TARBP1: variants seen among roughly 807,000 people sequenced by gnomAD.
TARBP1 encodes tRNA guanosine 2 -O-methyltransferase TARBP1, also known as tRNA (guanosine(18)-2'-O)-methyltransferase TARBP1.
In TARBP1, 144 loss-of-function variants were observed where a neutral mutation model predicts 178.6. That is an observed-to-expected ratio of 0.81 (90% confidence interval 0.70 to 0.93). The LOEUF (loss-of-function observed/expected upper bound fraction) is 0.93. TARBP1 is among the 40% of genes least tolerant of loss of function. The pLI is 0.00. For synonymous variants in TARBP1, 787 were observed against 781.0 expected, an observed-to-expected ratio of 1.01 and a Z score of -0.13; for missense variants, 2,067 against 2,011.7, an observed-to-expected ratio of 1.03 and a Z score of -0.53.
In TARBP1 at chr1:234,479,154, GT is replaced by G; in HGVS notation, c.-52del. ...CGGGCTCCCAAAGGAAGGCGCCGGC[GT>G]GTGCGATGCGTGCGCACAGGACCGG... On this transcript the variant is annotated 5_prime_UTR_variant, in exon 1 of 30. Transcript: ENST00000040877. The G allele has an allele frequency of 6.9e-7, 1 of 1,452,394 alleles. No individual in the cohort carries two copies. Among genetic ancestry groups the G allele is most frequent in the Non-Finnish European group, 9.0e-7 (1 of 1,113,694 alleles). 90.0% of individuals were successfully genotyped at this position (1,452,394 alleles called of 1,614,324 possible). A position where few individuals can be genotyped will look rare whatever the true frequency, so the allele number is the denominator to read the frequency against.
At chr1:234,403,353 A>G (rs571676779) in intron 24 of TARBP1, among the ~76,000 whole-genome samples, 1 of 152,282 alleles carries the variant, frequency 6.6e-6, no homozygotes, top group South Asian at 2.1e-4. Flanking sequence ...CATGCTTTAG[A>G]TTTTAATGTA....
At chr1:234,410,584 T>G in intron 22 of TARBP1, 53 bp from the exon 23 acceptor site, 1 of 1,214,756 alleles carries the variant, frequency 8.2e-7, no homozygotes, top group Non-Finnish European at 1.2e-6. Flanking sequence ...CTGTGAAACA[T>G]GCACGTGAAA....
Position 234,448,568 on chromosome 1 carries a change from A to G in TARBP1, c.1873T>C (p.Cys625Arg), listed in dbSNP as rs1312547065. The G allele has an allele frequency of 6.2e-7, 1 of 1,613,930 alleles. No homozygotes were observed. The highest frequency in any genetic ancestry group is 8.5e-7 in the Non-Finnish European group (1 of 1,179,894). The change falls in exon 11 of 30, where the codon TGC becomes CGC. Residue 625 changes from cysteine (C) to arginine (R), a missense_variant. Cys to Arg is a radical substitution (Grantham distance 180, BLOSUM62 -3). Transcript: ENST00000040877. ...KSSAWETGENCFMPDWFEAKL... is the reference protein window; with the variant it reads ...KSSAWETGENRFMPDWFEAKL... ...GCTTCAAACCAATCAGGCATAAAGCAGTTTTCTCCTGCTTAAATAACAACA... is the reference window on the plus strand; with the variant it reads ...GCTTCAAACCAATCAGGCATAAAGCGGTTTTCTCCTGCTTAAATAACAACA...
chr1:234,464,808 G>A (rs571518711), intron 5 of TARBP1, among the ~76,000 whole-genome samples: 21 of 152,258 alleles, frequency 1.4e-4, no homozygotes, highest in African/African-American at 4.6e-4. Context: ...ACAATTTCAA[G>A]AGCAAGGGAA....
At chr1:234,421,232 G>C (rs1307526159) in intron 20 of TARBP1, among the ~76,000 whole-genome samples, 1 of 152,082 alleles carries the variant, frequency 6.6e-6, no homozygotes. Flanking sequence ...GGGACTACAG[G>C]CGCCCGCCAC....
chr1:234,457,751 T>A lies in TARBP1; in HGVS notation c.1638A>T (p.Lys546Asn), dbSNP rs139757326. ...AAGTTGAGACATCAGAAAGTGACAC[T>A]TTCTCCTGGGCAGGGCAGGAAAGGT... ...QTAMNLLDVE[K>N]VSLSDVSTFL... The change falls in exon 9 of 30, where the codon AAA becomes AAT. Residue 546 changes from lysine to asparagine, a missense_variant. Lys to Asn is a moderately conservative substitution (Grantham distance 94). Coordinates refer to ENST00000040877, the MANE Select transcript of TARBP1 (RefSeq NM_005646.4). The A allele has an allele frequency of 1.2e-6, 2 of 1,608,018 alleles. No homozygotes were observed. Among genetic ancestry groups the A allele is most frequent in the Non-Finnish European group, 1.7e-6 (2 of 1,176,322 alleles).
intron 13 of TARBP1, 80 bp from the exon 14 acceptor site, chr1:234,433,651 A>G: frequency 1.4e-6 from 2 of 1,390,340 alleles, no homozygotes; most frequent in Non-Finnish European, 2.0e-6. Context: ...AGGCAGGAGA[A>G]GTTTACTTAA....
chr1:234,430,434 A>G, intron 14 of TARBP1, 133 bp from the exon 15 acceptor site: 2 of 727,514 alleles, frequency 2.7e-6, no homozygotes, highest in Non-Finnish European at 4.5e-6. Flanking sequence ...ATCAGGAGAA[A>G]TAAAAGGAAA....
chr1:234,474,842 A>G (rs1669434291), intron 1 of TARBP1, among the ~76,000 whole-genome samples: 1 of 152,222 alleles, frequency 6.6e-6, no homozygotes, highest in Admixed American at 6.5e-5. Context: ...TACAAAGAGG[A>G]AAGGCTGAAA....
rs987599225 is a variant in TARBP1 at position 234,408,872 on chromosome 1, C to T, written c.3792+1573G>A. On this transcript the variant is annotated intron_variant, in intron 23 of 29. Transcript: ENST00000040877. ...GTGTACTCTTCCTCTATTGCAATTC[C>T]TGTCTTGATAAATCGGCTCTGTGTA... Among the ~76,000 whole-genome samples the T allele has an allele frequency of 3.3e-5, 5 of 152,318 alleles. No individual in the cohort carries two copies. The South Asian group carries it at 1.0e-3, about 32-fold the overall frequency.
intron 2 of TARBP1, among the ~76,000 whole-genome samples, chr1:234,471,942 T>A (rs994256125): frequency 4.6e-5 from 7 of 152,356 alleles, no homozygotes; most frequent in Non-Finnish European, 1.0e-4. Context: ...CACAGATGGC[T>A]GGCACCTCTG....
intron 24 of TARBP1, among the ~76,000 whole-genome samples, chr1:234,402,261 C>T (rs575531514): frequency 3.9e-4 from 60 of 152,304 alleles, no homozygotes; most frequent in Non-Finnish European, 7.8e-4. Context: ...CATTCGATGC[C>T]TTTCTGCACT....
At chr1:234,448,730 A>G in intron 10 of TARBP1, 151 bp from the exon 11 acceptor site, 1 of 635,874 alleles carries the variant, frequency 1.6e-6, no homozygotes, top group South Asian at 2.0e-5. Context: ...ACCCTAGAGC[A>G]TGGCTCATTA....
chr1:234,467,446 T>C (rs1668562434), intron 4 of TARBP1, 56 bp downstream of exon 4: 2 of 1,444,248 alleles, frequency 1.4e-6, no homozygotes, highest in African/African-American at 2.9e-5. Context: ...TCCTAGTGTA[T>C]TTTTACCTCT....
Position 234,393,506 on chromosome 1 carries a change from TC to T in TARBP1, c.4436-21del. ...ACAGTCCTGCACAGAACACCTGGGATCATTAAGATTGTTCCCAGCACAATGC... is the reference window on the plus strand; with the variant it reads ...ACAGTCCTGCACAGAACACCTGGGATATTAAGATTGTTCCCAGCACAATGC... On this transcript the variant is annotated intron_variant, in intron 27 of 29. Transcript: ENST00000040877. 6.4e-7 allele frequency: 1 copy of T among 1,572,796 alleles called. No individual in the cohort carries two copies. Among genetic ancestry groups the T allele is most frequent in the Non-Finnish European group, 8.6e-7 (1 of 1,158,320 alleles).
Position 234,430,137 on chromosome 1 carries a change from C to A in TARBP1, c.2559G>T (p.Lys853Asn), listed in dbSNP as rs1195392388. Residue 853 changes from lysine to asparagine, a missense_variant, in exon 15 of 30, where the codon AAG (lysine) becomes AAT (asparagine). Coordinates refer to ENST00000040877, the MANE Select transcript of TARBP1 (RefSeq NM_005646.4). ...SSLQLNQTLQKPHAEEQSSYA... is the reference protein window; with the variant it reads ...SSLQLNQTLQNPHAEEQSSYA... ...AACTGCTCTGCTCCTCTGCGTGGGG[C>A]TTCTGCAGCGTCTGATTGAGCTGAA... 1 of 1,614,090 alleles carries A rather than the reference C, an allele frequency of 6.2e-7. No homozygotes were observed. Among genetic ancestry groups the A allele is most frequent in the Non-Finnish European group, 8.5e-7 (1 of 1,180,048 alleles).
At chr1:234,453,074 G>C (rs181147883) in intron 9 of TARBP1, among the ~76,000 whole-genome samples, 1 of 152,178 alleles carries the variant, frequency 6.6e-6, no homozygotes, top group Non-Finnish European at 1.5e-5. Context: ...TGAACAGGCA[G>C]AGCACAGAGA....
intron 1 of TARBP1, among the ~76,000 whole-genome samples, chr1:234,476,552 A>C (rs888856320): frequency 6.6e-6 from 1 of 152,224 alleles, no homozygotes; most frequent in Non-Finnish European, 1.5e-5. Flanking sequence ...CAACTGGTTA[A>C]GAATTTAAGG....
chr1:234,445,742 G>A (rs2103200432), intron 12 of TARBP1, among the ~76,000 whole-genome samples: 1 of 152,160 alleles, frequency 6.6e-6, no homozygotes, highest in East Asian at 1.9e-4. Flanking sequence ...GCACTAAACA[G>A]GTAAATTCGT....
Sources: gnomAD v4.1 joint callset for allele counts (sites outside exome capture counted in the v4.1 genomes callset) on GRCh38, gnomAD v4.1.1 for gene constraint, MANE v1.5 for transcripts, NCBI Gene and HGNC (gene_info 2026-07-23, HGNC 2026-07-21) for gene names.